Variants in SIGLEC11 observed in about 807,000 individuals in gnomAD.
SIGLEC11 encodes sialic acid-binding Ig-like lectin 11.
SIGLEC11 carries 47 observed loss-of-function variants against 61.2 expected under a neutral mutation model. The ratio of observed to expected loss-of-function variants is 0.77; its 90% CI spans 0.61 to 0.98. The LOEUF (loss-of-function observed/expected upper bound fraction) is 0.98. Ranked by LOEUF, SIGLEC11 falls within the 50% of genes least tolerant of loss-of-function variation. SIGLEC11 has a pLI of 0.00. For synonymous variants in SIGLEC11, 278 were observed against 373.1 expected, an observed-to-expected ratio of 0.75 and a Z score of 2.94; for missense variants, 610 against 870.3, an observed-to-expected ratio of 0.70 and a Z score of 3.76.
intron 8 of SIGLEC11, among the ~76,000 whole-genome samples, chr19:49,957,461 T>C (rs2076204796): frequency 1.3e-5 from 2 of 151,464 alleles, no homozygotes; most frequent in South Asian, 4.2e-4. Context: ...AAAATAACAC[T>C]GTTTAAAAAG....
rs1261798082 is a variant in SIGLEC11 at position 49,949,398 on chromosome 19, A to G, written c.*572T>C. 6.6e-6 allele frequency: 1 copy of G among 151,884 alleles called. No homozygotes were observed. The highest frequency in any genetic ancestry group is 1.5e-5 in the Non-Finnish European group (1 of 67,990). The allele number at this position is 151,884 out of a possible 1,614,324, so 9.4% of individuals were successfully genotyped here. A position where few individuals can be genotyped will look rare whatever the true frequency, so the allele number is the denominator to read the frequency against. The stretch of plus-strand genomic sequence containing the variant: ...ACGGGGAATGGCAGTTGCAGCAAAC[A>G]ACTCCAGGAGCTGGCTTCTCGTTCT... On this transcript the variant is annotated 3_prime_UTR_variant, in exon 11 of 11. Coordinates refer to ENST00000447370, the MANE Select transcript of SIGLEC11 (RefSeq NM_052884.3).
intron 8 of SIGLEC11, among the ~76,000 whole-genome samples, chr19:49,956,975 A>T (rs964972449): frequency 5.9e-5 from 9 of 152,216 alleles, no homozygotes; most frequent in African/African-American, 2.2e-4. Flanking sequence ...CTGCAAAAAT[A>T]AAAAAATTAG....
intron 9 of SIGLEC11, 70 bp from the exon 10 acceptor site, chr19:49,952,042 G>C: frequency 6.8e-7 from 1 of 1,462,338 alleles, no homozygotes; most frequent in Non-Finnish European, 9.2e-7. Context: ...TACCCACATG[G>C]CTTAGCAGAG....
intron 8 of SIGLEC11, among the ~76,000 whole-genome samples, chr19:49,954,942 T>C (rs949470328): frequency 6.6e-6 from 1 of 152,052 alleles, no homozygotes; most frequent in African/African-American, 2.4e-5. Context: ...GCAATTAATA[T>C]ACGAAAAATT....
chr19:49,958,582 G>A lies in SIGLEC11; in HGVS notation c.1364-12C>T. On this transcript the variant is annotated splice_polypyrimidine_tract_variant and intron_variant, in intron 7 of 10. Coordinates refer to ENST00000447370, the MANE Select transcript of SIGLEC11 (RefSeq NM_052884.3). ...CAGCTGTGGAGGGTCTGTGGGGAGG[G>A]AGGACAGGACTCAGCAGGGGCCCCT... The A allele has an allele frequency of 6.4e-7, 1 of 1,567,958 alleles. No homozygotes were observed. The highest frequency in any genetic ancestry group is 8.6e-7 in the Non-Finnish European group (1 of 1,158,610).
chr19:49,958,360 C>G lies in SIGLEC11; in HGVS notation c.1574G>C (p.Ser525Thr), dbSNP rs762884502. The G allele has an allele frequency of 1.2e-6, 2 of 1,614,230 alleles. No homozygotes were observed. The highest frequency in any genetic ancestry group is 1.7e-6 in the Non-Finnish European group (2 of 1,180,038). The change falls in exon 8 of 11, where the codon AGC (serine) becomes ACC (threonine). Residue 525 changes from serine to threonine, a missense_variant. By Grantham distance (58) the Ser-to-Thr change is moderately conservative. Coordinates refer to ENST00000447370, the MANE Select transcript of SIGLEC11 (RefSeq NM_052884.3). ...NSSLSLHGGL[S>T]SGLRLRCKAW... is the part of the protein sequence containing the mutation. ...CTTACAGCGGAGCCTGAGGCCGGAGCTGAGCCCTCCATGGAGGCTCAGGGA... is the reference window on the plus strand; with the variant it reads ...CTTACAGCGGAGCCTGAGGCCGGAGGTGAGCCCTCCATGGAGGCTCAGGGA...
rs1402112154 is a variant in SIGLEC11, at chr19:49,949,706, G to C, written c.*264C>G. On this transcript the variant is annotated 3_prime_UTR_variant, in exon 11 of 11. Transcript: ENST00000447370. ...AAAATATAACAATGAGCCTGGCATG[G>C]TGGCTCACAATTGTAGTCCCAGCTA... 2 of 289,486 alleles carry C rather than the reference G, an allele frequency of 6.9e-6. No individual in the cohort carries two copies. Among genetic ancestry groups the C allele is most frequent in the African/African-American group, 4.3e-5 (2 of 46,190 alleles). 17.9% of individuals were successfully genotyped at this position (289,486 alleles called of 1,614,324 possible). A position where few individuals can be genotyped will look rare whatever the true frequency, so the allele number is the denominator to read the frequency against.
rs535003008 is a variant in SIGLEC11 at position 49,952,111 on chromosome 19, T to C, written c.1749-139A>G. ...CATATCCACGGGGTGACTTCCATAG[T>C]GAGAACTGGGGACCCTCATAGATGG... On this transcript the variant is annotated intron_variant, in intron 9 of 10. Transcript: ENST00000447370. 6.8e-6 allele frequency: 7 copies of C among 1,031,100 alleles called. No homozygotes were observed. In the South Asian group the frequency reaches 8.2e-5, roughly 12 times the overall value. The allele number at this position is 1,031,100 out of a possible 1,614,324, so 63.9% of individuals were successfully genotyped here.
In SIGLEC11 at chr19:49,960,761, G is replaced by A. The variant is rs758499545; in HGVS notation, c.251C>T (p.Ala84Val). ...FKGRTSPKTGAPVATNNQSRE... is the reference protein window; with the variant it reads ...FKGRTSPKTGVPVATNNQSRE... ...ACTCTGGTTGTTAGTGGCCACAGGAGCACCCGTCTTTGGGCTGGTCCGTCC... is the reference window on the plus strand; with the variant it reads ...ACTCTGGTTGTTAGTGGCCACAGGAACACCCGTCTTTGGGCTGGTCCGTCC... Residue 84 changes from alanine to valine, a missense_variant, in exon 2 of 11, where the codon GCT (alanine) becomes GTT (valine). Transcript: ENST00000447370. 20 of 1,613,614 alleles carry A rather than the reference G, an allele frequency of 1.2e-5. No homozygotes were observed. The highest frequency in any genetic ancestry group is 3.3e-5 in the Admixed American group (2 of 59,982).
intron 8 of SIGLEC11, among the ~76,000 whole-genome samples, chr19:49,957,724 G>A (rs780767909): frequency 6.6e-6 from 1 of 152,116 alleles, no homozygotes; most frequent in African/African-American, 2.4e-5. Flanking sequence ...TGCTTTAGCC[G>A]GGCGCGGTGG....
chr19:49,952,110 G>T, intron 9 of SIGLEC11, 138 bp from the exon 10 acceptor site: 1 of 1,026,684 alleles, frequency 9.7e-7, no homozygotes, highest in Non-Finnish European at 1.4e-6. Flanking sequence ...GACTTCCATA[G>T]TGAGAACTGG....
rs184261602 is a variant in SIGLEC11, at chr19:49,949,043, T to G, written c.*927A>C. On this transcript the variant is annotated 3_prime_UTR_variant, in exon 11 of 11. Transcript: ENST00000447370. ...TCTCACTCTGTTGCCCAGGCTGGAG[T>G]GCAGTGGGACGATCTCGGCTCACTG... The G allele has an allele frequency of 7.9e-5, 12 of 152,218 alleles. No homozygotes were observed. The East Asian group carries it at 2.3e-3, about 29-fold the overall frequency. The allele number at this position is 152,218 out of a possible 1,614,324, so 9.4% of individuals were successfully genotyped here.
In SIGLEC11 at chr19:49,949,572, T is replaced by G. The variant is rs1471244741; in HGVS notation, c.*398A>C. On this transcript the variant is annotated 3_prime_UTR_variant, in exon 11 of 11. Coordinates refer to ENST00000447370, the MANE Select transcript of SIGLEC11 (RefSeq NM_052884.3). ...AAGTATAATCTTCAGCCAGCTGTGG[T>G]GGCTCACGTCTGTAATCCCAGCACT... The G allele has an allele frequency of 6.4e-6, 1 of 155,222 alleles. No homozygotes were observed. Among genetic ancestry groups the G allele is most frequent in the East Asian group, 1.9e-4 (1 of 5,332 alleles). 9.6% of individuals were successfully genotyped at this position (155,222 alleles called of 1,614,324 possible).
Position 49,955,230 on chromosome 19 carries a change from G to A in SIGLEC11, c.1652-2836C>T, listed in dbSNP as rs796856732. 3.8e-4 allele frequency among the ~76,000 whole-genome samples: 57 copies of A among 151,444 alleles called. No homozygotes were observed. The highest frequency in any genetic ancestry group is 1.3e-3 in the African/African-American group (54 of 41,256). On this transcript the variant is annotated intron_variant, in intron 8 of 10. Transcript: ENST00000447370. The surrounding 1 kb of genome is among the most constrained non-coding windows in gnomAD (Gnocchi z 4.5). ...CAACAAGCGAGGCACCAAGCAGCTAGGCACACCAAGGGTTTAGTCCCTCTC... is the reference window on the plus strand; with the variant it reads ...CAACAAGCGAGGCACCAAGCAGCTAAGCACACCAAGGGTTTAGTCCCTCTC...
intron 8 of SIGLEC11, among the ~76,000 whole-genome samples, chr19:49,958,044 C>T (rs1347072036): frequency 6.6e-6 from 1 of 152,132 alleles, no homozygotes; most frequent in Non-Finnish European, 1.5e-5. Context: ...ATTTAATGCT[C>T]AGCTTTTGAA....
rs1238168976 is a variant in SIGLEC11 at position 49,951,119 on chromosome 19, C to T, written c.1830+772G>A. Among the ~76,000 whole-genome samples, 1 of 152,166 alleles carries T rather than the reference C, an allele frequency of 6.6e-6. No homozygotes were observed. Among genetic ancestry groups the T allele is most frequent in the African/African-American group, 2.4e-5 (1 of 41,448 alleles). On this transcript the variant is annotated intron_variant, in intron 10 of 10. Transcript: ENST00000447370. This position sits in a 1 kb window ranked among gnomAD's most constrained non-coding sequence, Gnocchi z 4.6. ...CGGGGCCTACGTAGCATCAGTTTGG[C>T]TCTGCAGGGGCTGAGGAACTGAAGT...
chr19:49,950,099 C>T lies in SIGLEC11; in HGVS notation c.1968G>A (p.Glu656=), dbSNP rs765853582. 2 of 1,611,912 alleles carry T rather than the reference C, an allele frequency of 1.2e-6. No homozygotes were observed. Among genetic ancestry groups the T allele is most frequent in the Non-Finnish European group, 8.5e-7 (1 of 1,178,956 alleles). ...SLSFQGLRLW[E]PADQEAPSTT... ...TGCTGGGGGCCTCCTGGTCCGCAGGCTCCCAGAGCCTCAGGCCCTGGAAGC... is the reference window on the plus strand; with the variant it reads ...TGCTGGGGGCCTCCTGGTCCGCAGGTTCCCAGAGCCTCAGGCCCTGGAAGC... Residue 656 remains glutamate, a synonymous_variant, in exon 11 of 11, where the codon GAG becomes GAA. Coordinates refer to ENST00000447370, the MANE Select transcript of SIGLEC11 (RefSeq NM_052884.3).
Position 49,958,571 on chromosome 19 carries a change from C to A in SIGLEC11, c.1364-1G>T. 6.4e-7 allele frequency: 1 copy of A among 1,570,498 alleles called. No homozygotes were observed. The highest frequency in any genetic ancestry group is 8.6e-7 in the Non-Finnish European group (1 of 1,159,850). ...GAGGGGCCCAGCAGCTGTGGAGGGT[C>A]TGTGGGGAGGGAGGACAGGACTCAG... On this transcript the variant is annotated splice_acceptor_variant, in intron 7 of 10. Coordinates refer to ENST00000447370, the MANE Select transcript of SIGLEC11 (RefSeq NM_052884.3). LOFTEE classifies it high-confidence loss of function.
At chr19:49,954,009 T>C (rs2076177973) in intron 8 of SIGLEC11, among the ~76,000 whole-genome samples, 1 of 152,182 alleles carries the variant, frequency 6.6e-6, no homozygotes, top group African/African-American at 2.4e-5. Context: ...CAATTGGGCA[T>C]GTATTAAAGA....
Sources: gnomAD v4.1 joint callset for allele counts (sites outside exome capture counted in the v4.1 genomes callset) on GRCh38, gnomAD v4.1.1 for gene constraint, Gnocchi (gnomAD v3.1) non-coding constraint, MANE v1.5 for transcripts, NCBI Gene and HGNC (gene_info 2026-07-23, HGNC 2026-07-21) for gene names.